STIL: variants seen among roughly 807,000 people sequenced by gnomAD.
STIL encodes the protein STIL centriolar assembly protein, also known as SCL-interrupting locus protein.
Under a neutral mutation model 110.1 loss-of-function variants are expected in STIL, and 55 were observed. The observed-to-expected ratio is 0.50, with a 90% CI of 0.40 to 0.63. STIL has a LOEUF of 0.63. Ranked by LOEUF, STIL falls within the 20% of genes least tolerant of loss-of-function variation. STIL has a pLI of 0.00. For missense variants in STIL, 1,358 were observed against 1,530.0 expected (o/e 0.89, Z 1.87); for synonymous variants, 481 against 530.0 (o/e 0.91, Z 1.27).
chr1:47,251,973 A>G (rs1016831829), intron 16 of STIL, 51 bp from the exon 17 acceptor site: 5 of 1,560,182 alleles, frequency 3.2e-6, no homozygotes, highest in Admixed American at 3.7e-5. Context: ...TAAGTAATAC[A>G]TAGTTCTCAA....
At chr1:47,275,334 C>T (rs1356376470) in intron 12 of STIL, among the ~76,000 whole-genome samples, 8 of 149,786 alleles carry the variant, frequency 5.3e-5, no homozygotes, top group South Asian at 2.1e-4. Flanking sequence ...TTTTGCTGGG[C>T]GCGGTGGCTC....
chr1:47,302,175 C>T (rs1645823552), intron 4 of STIL, 59 bp downstream of exon 4: 1 of 1,260,164 alleles, frequency 7.9e-7, no homozygotes, highest in African/African-American at 1.5e-5. Flanking sequence ...CCCACTCCAG[C>T]CTCCCAACGT....
intron 12 of STIL, among the ~76,000 whole-genome samples, chr1:47,278,339 T>A (rs1403786155): frequency 3.9e-5 from 6 of 152,064 alleles, no homozygotes; most frequent in Admixed American, 3.3e-4. Flanking sequence ...AGATACTTTT[T>A]AAAAAGTGGT....
intron 9 of STIL, among the ~76,000 whole-genome samples, chr1:47,289,061 CAAAAAAAAAAAAA>C (rs371944423): frequency 3.6e-5 from 3 of 83,476 alleles, no homozygotes; most frequent in South Asian, 9.9e-4. Context: ...GATTCCATCT[CAAAAAAAAAAAAA>C]AAAAAAAAAA....
At chr1:47,262,744 A>C (rs1644520971) in intron 15 of STIL, among the ~76,000 whole-genome samples, 159 bp downstream of exon 15, 1 of 152,224 alleles carries the variant, frequency 6.6e-6, no homozygotes, top group Non-Finnish European at 1.5e-5. Context: ...AATTTAAGTT[A>C]TAATTTATGA....
Position 47,251,683 on chromosome 1 carries a change from C to T in STIL, c.3320G>A (p.Gly1107Glu). The T allele has an allele frequency of 6.2e-7, 1 of 1,614,058 alleles. No individual in the cohort carries two copies. Among genetic ancestry groups the T allele is most frequent in the South Asian group, 1.1e-5 (1 of 91,056 alleles). Residue 1107 changes from glycine (G) to glutamate (E), a missense_variant, in exon 17 of 17, where the codon GGG becomes GAG. Physicochemically the swap from Gly to Glu is moderately conservative, Grantham distance 98. Coordinates refer to ENST00000371877, the MANE Select transcript of STIL (RefSeq NM_001048166.1). ...GTTGTTTGGTGAAATTAAACTAAGC[C>T]CCACTGTGCTTCTGTCTGTATTAAT... ...LHINTDRSTV[G>E]LSLISPNNMS...
chr1:47,294,529 A>G (rs561523200), intron 7 of STIL, among the ~76,000 whole-genome samples: 9 of 152,202 alleles, frequency 5.9e-5, no homozygotes, highest in Non-Finnish European at 1.3e-4. Flanking sequence ...TACAAAATAT[A>G]CAAAACCTAG....
At chr1:47,279,743 A>AAAC (rs1553175299) in intron 12 of STIL, among the ~76,000 whole-genome samples, 30 of 151,556 alleles carry the variant, frequency 2.0e-4, no homozygotes, top group African/African-American at 6.5e-4. Context: ...AAAAAAAAAA[A>AAAC]AACAACAAAA....
At chr1:47,270,670 CTTTTTTTTT>C (rs542462270) in intron 13 of STIL, among the ~76,000 whole-genome samples, 25 of 94,088 alleles carry the variant, frequency 2.7e-4, no homozygotes, top group Admixed American at 4.5e-4. Context: ...GTTTCCCAAT[CTTTTTTTTT>C]TTTTTTTTTT....
intron 12 of STIL, among the ~76,000 whole-genome samples, chr1:47,274,763 AAATGGTAACT>A (rs1382118238): frequency 6.6e-6 from 1 of 151,888 alleles, no homozygotes. Flanking sequence ...TGATTAAATC[AAATGGTAACT>A]AGTGGTGGGG....
At chr1:47,304,050 A>G (rs911485066) in intron 3 of STIL, among the ~76,000 whole-genome samples, 2 of 152,192 alleles carry the variant, frequency 1.3e-5, no homozygotes, top group African/African-American at 4.8e-5. Context: ...TCATTTTATA[A>G]ATAAGGAAAC....
At chr1:47,296,545 T>C (rs1384294313) in intron 6 of STIL, among the ~76,000 whole-genome samples, 1 of 152,180 alleles carries the variant, frequency 6.6e-6, no homozygotes, top group African/African-American at 2.4e-5. Flanking sequence ...TCACGCTTAC[T>C]GTAATCCCAG....
chr1:47,309,383 C>G (rs574942220), intron 2 of STIL, among the ~76,000 whole-genome samples: 43 of 152,210 alleles, frequency 2.8e-4, no homozygotes, highest in Non-Finnish European at 4.9e-4. Flanking sequence ...CTGCCCACCT[C>G]AGCCTCCCAA....
chr1:47,310,409 AG>A (rs1434903659), intron 1 of STIL, 47 bp from the exon 2 acceptor site: 5 of 1,231,512 alleles, frequency 4.1e-6, no homozygotes, highest in African/African-American at 3.0e-5. Flanking sequence ...AAAACAAAGA[AG>A]AAAAATATGA....
In STIL at chr1:47,251,150, G is replaced by T. The variant is rs760530312; in HGVS notation, c.3853C>A (p.Pro1285Thr). 1.9e-6 allele frequency: 3 copies of T among 1,613,920 alleles called. No individual in the cohort carries two copies. The highest frequency in any genetic ancestry group is 2.5e-6 in the Non-Finnish European group (3 of 1,179,978). The change falls in exon 17 of 17, where the codon CCA (proline) becomes ACA (threonine). Residue 1285 changes from proline to threonine, a missense_variant. Transcript: ENST00000371877. ...GAGTTAAAAGGTTAAAATAATTTTG[G>T]TAACTGTCTGAGACGTTTTACATCT... ...FLDVKRLRQL[P>T]KLF
intron 16 of STIL, among the ~76,000 whole-genome samples, chr1:47,258,507 A>T (rs2821088): frequency 0.43 from 64,685 of 152,062 alleles, 15,885 homozygotes; most frequent in South Asian, 0.55. Context: ...TTTAAATACA[A>T]GAGAAAGAAC....
chr1:47,263,543 A>AT (rs895933511), intron 14 of STIL, among the ~76,000 whole-genome samples: 1 of 152,160 alleles, frequency 6.6e-6, no homozygotes, highest in Non-Finnish European at 1.5e-5. Context: ...CCCTATTTCT[A>AT]TAAGAAACAA....
At chr1:47,312,124 A>G (rs1646143360) in intron 1 of STIL, among the ~76,000 whole-genome samples, 2 of 152,188 alleles carry the variant, frequency 1.3e-5, no homozygotes, top group Admixed American at 1.3e-4. Flanking sequence ...CTTTTTAGAT[A>G]AAGTCAGAGG....
intron 10 of STIL, among the ~76,000 whole-genome samples, chr1:47,287,085 G>A (rs11580148): frequency 0.25 from 38,016 of 151,982 alleles, 5,123 homozygotes; most frequent in Non-Finnish European, 0.31. Context: ...AGGAAGGGTT[G>A]GGGACGATGG....
Sources: gnomAD v4.1 joint callset for allele counts (sites outside exome capture counted in the v4.1 genomes callset) on GRCh38, gnomAD v4.1.1 for gene constraint, MANE v1.5 for transcripts, NCBI Gene and HGNC (gene_info 2026-07-23, HGNC 2026-07-21) for gene names.